The following MARCHF1 variants were observed in gnomAD, a reference collection of about 807,000 sequenced individuals.
MARCHF1 encodes membrane associated ring-CH-type finger 1.
MARCHF1 carries 40 observed loss-of-function variants against 54.2 expected under a neutral mutation model. The ratio of observed to expected loss-of-function variants is 0.74; its 90% CI spans 0.57 to 0.96. The LOEUF (loss-of-function observed/expected upper bound fraction) is 0.96. MARCHF1 is among the 40% of genes least tolerant of loss of function. The pLI is 0.00. For synonymous variants in MARCHF1, 236 were observed against 236.3 expected, an observed-to-expected ratio of 1.00 and a Z score of 0.01; for missense variants, 586 against 656.5, an observed-to-expected ratio of 0.89 and a Z score of 1.17.
chr4:163,847,938 G>A (rs1056824513), intron 4 of MARCHF1, among the ~76,000 whole-genome samples: 3 of 152,092 alleles, frequency 2.0e-5, no homozygotes, highest in African/African-American at 7.2e-5. Context: ...TATAATGCGT[G>A]TTGTGTATAA....
At chr4:163,818,714 T>G (rs752206702) in intron 4 of MARCHF1, among the ~76,000 whole-genome samples, 1 of 152,002 alleles carries the variant, frequency 6.6e-6, no homozygotes, top group Non-Finnish European at 1.5e-5. Context: ...ATATTCCTTT[T>G]CTCCAGGTTT....
intron 1 of MARCHF1, among the ~76,000 whole-genome samples, chr4:164,320,433 C>A (rs75060295): frequency 6.6e-6 from 1 of 152,044 alleles, no homozygotes; most frequent in Non-Finnish European, 1.5e-5. Flanking sequence ...GTGGGCAAGG[C>A]GACTAAAGTC....
chr4:164,059,085 A>G (rs182462788), intron 2 of MARCHF1, among the ~76,000 whole-genome samples: 1 of 152,330 alleles, frequency 6.6e-6, no homozygotes, highest in East Asian at 1.9e-4. Flanking sequence ...TGCACATATG[A>G]GCTGGTTGTA....
At chr4:163,876,916 T>G (rs1478444076) in intron 3 of MARCHF1, among the ~76,000 whole-genome samples, 2 of 152,144 alleles carry the variant, frequency 1.3e-5, no homozygotes, top group African/African-American at 4.8e-5. Flanking sequence ...GAGAAAATGT[T>G]AAGCTAATAA....
intron 2 of MARCHF1, among the ~76,000 whole-genome samples, chr4:164,091,420 A>ATATG (rs1755298836): frequency 6.8e-6 from 1 of 146,168 alleles, no homozygotes; most frequent in African/African-American, 2.5e-5. Flanking sequence ...TTATATATAT[A>ATATG]TATATATATG....
At chr4:164,012,309 G>A (rs923338886) in intron 2 of MARCHF1, among the ~76,000 whole-genome samples, 1 of 152,024 alleles carries the variant, frequency 6.6e-6, no homozygotes, top group African/African-American at 2.4e-5. Flanking sequence ...TTGACAGAAG[G>A]TGAGTACAGA....
chr4:163,905,260 T>C (rs893440760), intron 3 of MARCHF1, among the ~76,000 whole-genome samples: 1 of 152,108 alleles, frequency 6.6e-6, no homozygotes, highest in Non-Finnish European at 1.5e-5. Flanking sequence ...TCAAGCCTAC[T>C]ATAATTTTCA....
chr4:164,248,686 A>G (rs760890801), intron 1 of MARCHF1, among the ~76,000 whole-genome samples: 1 of 152,056 alleles, frequency 6.6e-6, no homozygotes, highest in Non-Finnish European at 1.5e-5. Flanking sequence ...TGTTCTAGGG[A>G]TAAGTTGTTC....
At chr4:163,897,019 C>T (rs1020980865) in intron 3 of MARCHF1, among the ~76,000 whole-genome samples, 2 of 152,128 alleles carry the variant, frequency 1.3e-5, no homozygotes, top group African/African-American at 4.8e-5. Flanking sequence ...CTCTACTACT[C>T]GTGAATAATT....
chr4:164,252,232 C>T (rs1234566369), intron 1 of MARCHF1, among the ~76,000 whole-genome samples: 2 of 152,090 alleles, frequency 1.3e-5, no homozygotes, highest in African/African-American at 4.8e-5. Context: ...AAAAATGAGG[C>T]ATATGCTCAA....
At chr4:164,058,271 A>G (rs1427437672) in intron 2 of MARCHF1, among the ~76,000 whole-genome samples, 2 of 152,184 alleles carry the variant, frequency 1.3e-5, no homozygotes, top group East Asian at 1.9e-4. Context: ...AAAGTATAAT[A>G]AAAGAGAAAA....
intron 1 of MARCHF1, among the ~76,000 whole-genome samples, chr4:164,255,942 T>C (rs532670095): frequency 7.9e-5 from 12 of 152,034 alleles, no homozygotes; most frequent in East Asian, 1.9e-4. Context: ...TAATCAAACA[T>C]TGAAGGAATA....
At chr4:163,762,259 T>C (rs1159506321) in intron 4 of MARCHF1, among the ~76,000 whole-genome samples, 1 of 152,176 alleles carries the variant, frequency 6.6e-6, no homozygotes, top group Non-Finnish European at 1.5e-5. Flanking sequence ...TATGTACGAA[T>C]AATACACTGG....
At chr4:163,742,756 G>T (rs147670154) in intron 4 of MARCHF1, among the ~76,000 whole-genome samples, 1 of 152,078 alleles carries the variant, frequency 6.6e-6, no homozygotes, top group Non-Finnish European at 1.5e-5. Flanking sequence ...GGAATTATGG[G>T]TACGCCCAGT....
intron 3 of MARCHF1, among the ~76,000 whole-genome samples, chr4:163,886,862 A>G (rs1158564905): frequency 6.6e-6 from 1 of 152,170 alleles, no homozygotes. Flanking sequence ...TTTGAAAAAT[A>G]GAATGAAAAT....
At chr4:163,564,038 C>T (rs185819520) in intron 8 of MARCHF1, among the ~76,000 whole-genome samples, 1 of 152,318 alleles carries the variant, frequency 6.6e-6, no homozygotes, top group African/African-American at 2.4e-5. Context: ...GATCTTCCCA[C>T]CTAACTACAT....
chr4:164,089,984 AAATAT>A (rs1755266855), intron 2 of MARCHF1, among the ~76,000 whole-genome samples: 1 of 151,442 alleles, frequency 6.6e-6, no homozygotes, highest in Admixed American at 6.6e-5. Flanking sequence ...ATTTCTGTAG[AAATAT>A]AATAAAATAA....
chr4:164,217,150 G>C (rs796402331), intron 1 of MARCHF1, among the ~76,000 whole-genome samples: 5 of 152,302 alleles, frequency 3.3e-5, no homozygotes, highest in African/African-American at 1.2e-4. Context: ...TGTTGAACAT[G>C]ATGCAGCTCT....
chr4:163,527,416 C>T lies in MARCHF1; in HGVS notation c.*1332G>A, dbSNP rs938483382. 1 of 152,048 alleles carries T rather than the reference C, an allele frequency of 6.6e-6. No homozygotes were observed. The highest frequency in any genetic ancestry group is 2.4e-5 in the African/African-American group (1 of 41,428). The allele number at this position is 152,048 out of a possible 1,614,324, so 9.4% of individuals were successfully genotyped here. On this transcript the variant is annotated 3_prime_UTR_variant, in exon 10 of 10. Coordinates refer to ENST00000514618, the MANE Select transcript of MARCHF1 (RefSeq NM_001394959.1). The stretch of plus-strand genomic sequence containing the variant: ...TGACACCTCATATGGATGAAATAAG[C>T]CTTACACATTTGATTTAATAACAAA...
Sources: allele counts gnomAD v4.1 joint callset (sites outside exome capture counted in the v4.1 genomes callset), GRCh38; gene constraint gnomAD v4.1.1; transcripts MANE v1.5; gene names NCBI Gene and HGNC (gene_info 2026-07-23, HGNC 2026-07-21).